Variants in ITPR1 observed in about 807,000 individuals in gnomAD.
ITPR1 encodes inositol 1,4,5-trisphosphate receptor type 1, also known as inositol 1,4,5-trisphosphate-gated calcium channel ITPR1.
Under a neutral mutation model 318.4 loss-of-function variants are expected in ITPR1, and 96 were observed. The observed-to-expected ratio is 0.30, with a 90% CI of 0.26 to 0.36. The LOEUF is 0.36. Ranked by LOEUF, ITPR1 falls within the 10% of genes least tolerant of loss-of-function variation. The pLI is 1.00. For synonymous variants in ITPR1, 1,312 were observed against 1,289.9 expected (o/e 1.02, Z -0.37); for missense variants, 2,440 against 3,460.2 (o/e 0.71, Z 7.40).
At chr3:4,722,530 C>A (rs576718267) in intron 40 of ITPR1, among the ~76,000 whole-genome samples, 44 of 152,276 alleles carry the variant, frequency 2.9e-4, no homozygotes, top group African/African-American at 9.6e-4. Context: ...ATTATCTTTT[C>A]CTTGGGGTAT....
At chr3:4,722,751 CA>C (rs2042253227) in intron 40 of ITPR1, among the ~76,000 whole-genome samples, 3 of 66,034 alleles carry the variant, frequency 4.5e-5, no homozygotes, top group Non-Finnish European at 9.8e-5. Flanking sequence ...ATGCCTGGCC[CA>C]TGGGTTGGAT....
At chr3:4,807,486 T>C (rs2048655416) in intron 55 of ITPR1, among the ~76,000 whole-genome samples, 1 of 152,186 alleles carries the variant, frequency 6.6e-6, no homozygotes, top group Non-Finnish European at 1.5e-5. Context: ...CACAGGGCCG[T>C]CACAGGGATT....
At chr3:4,637,862 C>G (rs2093237139) in intron 5 of ITPR1, among the ~76,000 whole-genome samples, 1 of 152,196 alleles carries the variant, frequency 6.6e-6, no homozygotes, top group Admixed American at 6.5e-5. Flanking sequence ...ACCTAGCCAA[C>G]TTAGGTCACC....
chr3:4,729,392 C>A (rs115580412), intron 42 of ITPR1, among the ~76,000 whole-genome samples: 165 of 152,260 alleles, frequency 1.1e-3, no homozygotes, highest in African/African-American at 3.8e-3. Flanking sequence ...ATTTTGTAGA[C>A]AACAAGAGGA....
chr3:4,720,590 C>T (rs1387531764), intron 40 of ITPR1, among the ~76,000 whole-genome samples: 1 of 152,164 alleles, frequency 6.6e-6, no homozygotes, highest in Non-Finnish European at 1.5e-5. Context: ...AGATGTGATT[C>T]CCACTGAATC....
chr3:4,560,344 T>A lies in ITPR1; in HGVS notation c.163+39250T>A, dbSNP rs140105637. 5.7e-3 allele frequency among the ~76,000 whole-genome samples: 873 copies of A among 152,300 alleles called. 2 individuals carry two copies. The highest frequency in any genetic ancestry group is 0.02 in the African/African-American group (817 of 41,558). ...CTCTCTCAGGTCTCAGAATGTTGTGTAGATTTTTTAAACAAAATTGTAATA... is the reference window on the plus strand; with the variant it reads ...CTCTCTCAGGTCTCAGAATGTTGTGAAGATTTTTTAAACAAAATTGTAATA... On this transcript the variant is annotated intron_variant, in intron 4 of 61. Transcript: ENST00000649015.
intron 2 of ITPR1, among the ~76,000 whole-genome samples, chr3:4,511,633 G>A (rs2081833840): frequency 6.6e-6 from 1 of 152,206 alleles, no homozygotes; most frequent in African/African-American, 2.4e-5. Flanking sequence ...TGCTGAGGTA[G>A]GTGCTCTTAT....
At position 4,658,160 on chromosome 3, in the gene ITPR1, C is replaced by A. The variant is rs369055445; in HGVS notation, c.1033C>A (p.Arg345=). ...TCAGGACGCCTCTCGAAGTAGGTTG[C>A]GGAATGCCCAAGAAAAGATGGTATA... ...PDQDASRSRL[R]NAQEKMVYSL... The change falls in exon 13 of 62, where the codon CGG becomes AGG. Residue 345 remains arginine (R), a synonymous_variant. Coordinates refer to ENST00000649015, the MANE Select transcript of ITPR1 (RefSeq NM_001378452.1). 310 of 1,612,774 alleles carry A rather than the reference C, an allele frequency of 1.9e-4. 1 individual carries two copies. Among genetic ancestry groups the A allele is most frequent in the Middle Eastern group, 3.3e-4 (2 of 6,076 alleles).
intron 4 of ITPR1, among the ~76,000 whole-genome samples, chr3:4,525,900 G>A (rs1229708223): frequency 6.6e-6 from 1 of 152,160 alleles, no homozygotes; most frequent in East Asian, 1.9e-4. Flanking sequence ...AGAAAAGGTG[G>A]AAACTAACAA....
intron 4 of ITPR1, among the ~76,000 whole-genome samples, chr3:4,537,503 A>G (rs2083981282): frequency 6.6e-6 from 1 of 152,208 alleles, no homozygotes; most frequent in South Asian, 2.1e-4. Flanking sequence ...TTACCTGTGA[A>G]TATGTTACCT....
chr3:4,658,034 T>C, intron 12 of ITPR1, 90 bp from the exon 13 acceptor site: 1 of 1,291,790 alleles, frequency 7.7e-7, no homozygotes, highest in Non-Finnish European at 1.1e-6. Flanking sequence ...CACGATCCTT[T>C]CTTCTCCGTT....
rs879381943 is a variant in ITPR1, at chr3:4,659,691, G to GA, written c.1152-1285dup. Among the ~76,000 whole-genome samples, 333 of 128,526 alleles carry GA rather than the reference G, an allele frequency of 2.6e-3. 2 individuals carry two copies. Among genetic ancestry groups the GA allele is most frequent in the African/African-American group, 8.2e-3 (286 of 34,842 alleles). The allele number at this position is 128,526 out of a possible 152,430, so 84.3% of individuals were successfully genotyped here. ...ACAGAGTGAGACCCTGTCTCCAAAG[G>GA]AAAAAAAAAAAAGAAACTGTTATAG... On this transcript the variant is annotated intron_variant, in intron 13 of 61. Transcript: ENST00000649015.
At chr3:4,529,035 A>C (rs1254611958) in intron 4 of ITPR1, among the ~76,000 whole-genome samples, 2 of 152,164 alleles carry the variant, frequency 1.3e-5, no homozygotes, top group African/African-American at 4.8e-5. Context: ...CACACACTGC[A>C]GCGTATCCCT....
At chr3:4,693,444 C>T (rs762000838) in intron 32 of ITPR1, 46 bp from the exon 33 acceptor site, 3 of 1,592,964 alleles carry the variant, frequency 1.9e-6, no homozygotes, top group Non-Finnish European at 2.6e-6. Context: ...CATGCTGCCC[C>T]ACCCCTGCAA....
intron 4 of ITPR1, among the ~76,000 whole-genome samples, chr3:4,524,049 T>G (rs1238759823): frequency 6.6e-6 from 1 of 152,214 alleles, no homozygotes; most frequent in Non-Finnish European, 1.5e-5. Flanking sequence ...GGTTGTGAGA[T>G]GCTTCGTCCT....
intron 61 of ITPR1, among the ~76,000 whole-genome samples, chr3:4,844,177 G>A (rs894153638): frequency 6.7e-6 from 1 of 148,906 alleles, no homozygotes; most frequent in East Asian, 2.0e-4. Flanking sequence ...CTGGAGTGCA[G>A]TGGCATCATC....
chr3:4,681,624 A>AGTGTGTGTGTGTGTGTGTGT (rs10665371), intron 26 of ITPR1, among the ~76,000 whole-genome samples: 49 of 145,884 alleles, frequency 3.4e-4, no homozygotes, highest in African/African-American at 1.1e-3. Context: ...AGAGAGAGAA[A>AGTGTGTGTGTGTGTGTGTGT]GTGTGTGTGT....
chr3:4,688,363 C>T lies in ITPR1; in HGVS notation c.3703-132C>T, dbSNP rs553552721. On this transcript the variant is annotated intron_variant, in intron 30 of 61. Coordinates refer to ENST00000649015, the MANE Select transcript of ITPR1 (RefSeq NM_001378452.1). ...TCTTTTCAGCGTCAGCAGTGCAGCC[C>T]CTCAATATTTACCCACAACAGGTCC... The T allele has an allele frequency of 4.9e-6, 5 of 1,015,574 alleles. No homozygotes were observed. The East Asian group carries it at 7.2e-5, about 15-fold the overall frequency. The allele number at this position is 1,015,574 out of a possible 1,614,324, so 62.9% of individuals were successfully genotyped here.
chr3:4,584,752 C>G (rs911977467), intron 4 of ITPR1, among the ~76,000 whole-genome samples: 2 of 152,006 alleles, frequency 1.3e-5, no homozygotes, highest in African/African-American at 4.8e-5. Flanking sequence ...CTTCTCCCTT[C>G]CAGCCCTGCC....
Sources: gnomAD v4.1 joint callset for allele counts (sites outside exome capture counted in the v4.1 genomes callset) on GRCh38, gnomAD v4.1.1 for gene constraint, MANE v1.5 for transcripts, NCBI Gene and HGNC (gene_info 2026-07-23, HGNC 2026-07-21) for gene names.